POLA1: variants seen among roughly 807,000 people sequenced by gnomAD.
The protein encoded by POLA1 is DNA polymerase alpha 1, catalytic subunit, also known as DNA polymerase alpha catalytic subunit.
Under a neutral mutation model 124.0 loss-of-function variants are expected in POLA1, and 15 were observed. The ratio of observed to expected loss-of-function variants is 0.12; its 90% CI spans 0.08 to 0.19. The LOEUF is 0.19. Among genes scored for constraint, POLA1 ranks in the 10% least tolerant of loss-of-function variants. The pLI, the probability that POLA1 is intolerant of heterozygous loss-of-function variation, is 1.00. For synonymous variants in POLA1, 408 were observed against 389.4 expected (o/e 1.05, Z -0.56); for missense variants, 886 against 1,103.4 (o/e 0.80, Z 2.79).
intron 35 of POLA1, 51 bp from the exon 36 acceptor site, chrX:24,930,402 C>A: frequency 1.3e-6 from 1 of 799,746 alleles, no homozygotes; most frequent in Non-Finnish European, 1.9e-6. Context: ...TGATCCCCAT[C>A]GCTTCCCCCT....
chrX:24,814,402 T>C (rs1225495361), intron 29 of POLA1, among the ~76,000 whole-genome samples: 1 of 112,121 alleles, frequency 8.9e-6, no homozygotes, highest in Non-Finnish European at 1.9e-5. Flanking sequence ...TTGAATAACA[T>C]GAAGTTTTTA....
intron 18 of POLA1, 43 bp from the exon 19 acceptor site, chrX:24,737,582 G>A (rs759141061): frequency 6.2e-6 from 4 of 641,956 alleles, no homozygotes; most frequent in Non-Finnish European, 5.1e-6. Context: ...CCTCTAATTT[G>A]CATTTGTTAT....
chrX:24,992,665 A>C (rs976924392), intron 36 of POLA1, among the ~76,000 whole-genome samples: 3 of 112,652 alleles, frequency 2.7e-5, no homozygotes, highest in African/African-American at 9.7e-5. Context: ...TTTAAGTCCA[A>C]AAAGGGTTTT....
chrX:24,745,685 G>A, intron 24 of POLA1, 143 bp downstream of exon 24: 1 of 385,813 alleles, frequency 2.6e-6, no homozygotes, highest in Non-Finnish European at 4.4e-6. Flanking sequence ...TAGTTCAGTG[G>A]CTTTTAGTGT....
At chrX:24,968,702 C>CAA (rs1230409270) in intron 36 of POLA1, among the ~76,000 whole-genome samples, 34 of 33,919 alleles carry the variant, frequency 1.0e-3, no homozygotes, top group African/African-American at 2.0e-3. Context: ...GACTCCATCT[C>CAA]AAAAAAAAAA....
intron 32 of POLA1, among the ~76,000 whole-genome samples, chrX:24,829,515 G>A (rs1289596315): frequency 9.0e-6 from 1 of 111,676 alleles, no homozygotes; most frequent in African/African-American, 3.3e-5. Flanking sequence ...AGGAGTTTCA[G>A]CATTAATGAA....
intron 36 of POLA1, among the ~76,000 whole-genome samples, chrX:24,946,515 C>T (rs1274903231): frequency 8.9e-6 from 1 of 111,787 alleles, no homozygotes; most frequent in Admixed American, 9.5e-5. Context: ...AAATTAGACC[C>T]TTCTTCACCA....
chrX:24,951,271 A>T (rs1295451825), intron 36 of POLA1, among the ~76,000 whole-genome samples: 1 of 91,586 alleles, frequency 1.1e-5, no homozygotes, highest in South Asian at 7.3e-4. Flanking sequence ...GGTGATTAGG[A>T]GTAGGCTTAA....
At chrX:24,915,513 T>C (rs1251807493) in intron 35 of POLA1, among the ~76,000 whole-genome samples, 1 of 111,805 alleles carries the variant, frequency 8.9e-6, no homozygotes, top group African/African-American at 3.2e-5. Context: ...TTTATTTGTT[T>C]TATATATGAA....
chrX:24,869,969 T>G (rs1473402885), intron 34 of POLA1, among the ~76,000 whole-genome samples: 1 of 112,286 alleles, frequency 8.9e-6, no homozygotes, highest in African/African-American at 3.2e-5. Context: ...AGAAAGTGAT[T>G]CATACAAATA....
chrX:24,702,550 C>T (rs1382787178), intron 2 of POLA1, among the ~76,000 whole-genome samples: 3 of 111,785 alleles, frequency 2.7e-5, no homozygotes, highest in African/African-American at 9.8e-5. Flanking sequence ...GTGTTCTGAC[C>T]CTCTTGCAGT....
intron 26 of POLA1, among the ~76,000 whole-genome samples, chrX:24,770,111 A>G (rs2044997696): frequency 9.0e-6 from 1 of 111,701 alleles, no homozygotes; most frequent in African/African-American, 3.2e-5. Context: ...CTTTTTTGTT[A>G]TTGCACTTTA....
At chrX:24,880,284 T>C (rs942431499) in intron 34 of POLA1, among the ~76,000 whole-genome samples, 5 of 112,164 alleles carry the variant, frequency 4.5e-5, no homozygotes, top group Non-Finnish European at 9.4e-5. Context: ...AAATGACATA[T>C]GACTGTTCAT....
At chrX:24,775,225 G>A (rs1343396800) in intron 26 of POLA1, 1 of 111,347 alleles carries the variant, frequency 9.0e-6, no homozygotes, top group Non-Finnish European at 1.9e-5. Flanking sequence ...AATGGTTGAA[G>A]TGATAAACTC....
intron 34 of POLA1, among the ~76,000 whole-genome samples, chrX:24,877,864 C>T (rs2046954002): frequency 1.8e-5 from 2 of 109,840 alleles, no homozygotes; most frequent in Admixed American, 1.9e-4. Flanking sequence ...TCTTCTGAAT[C>T]TGGCAGAACA....
chrX:24,722,093 GA>G (rs1222006143), intron 10 of POLA1, among the ~76,000 whole-genome samples: 1 of 111,673 alleles, frequency 9.0e-6, no homozygotes, highest in Non-Finnish European at 1.9e-5. Context: ...CAGGATGTGT[GA>G]AAAAAGGAGT....
At chrX:24,847,973 C>T (rs1007968651) in intron 34 of POLA1, among the ~76,000 whole-genome samples, 2 of 111,825 alleles carry the variant, frequency 1.8e-5, no homozygotes, top group Non-Finnish European at 3.8e-5. Flanking sequence ...ACGGCACTGA[C>T]AACTCTGCAT....
intron 34 of POLA1, among the ~76,000 whole-genome samples, chrX:24,859,021 G>A (rs1303161116): frequency 1.8e-5 from 2 of 111,292 alleles, no homozygotes; most frequent in Non-Finnish European, 3.8e-5. Flanking sequence ...AGCCCAGGAT[G>A]ACCAAAGCCC....
chrX:24,798,824 G>GT (rs1326620327), intron 26 of POLA1, among the ~76,000 whole-genome samples: 3 of 111,142 alleles, frequency 2.7e-5, no homozygotes, highest in Admixed American at 9.5e-5. Context: ...GCCTGAACAT[G>GT]TGTCTACAAC....
Sources: gnomAD v4.1 joint callset for allele counts (sites outside exome capture counted in the v4.1 genomes callset) on GRCh38, gnomAD v4.1.1 for gene constraint, MANE v1.5 for transcripts, NCBI Gene and HGNC (gene_info 2026-07-23, HGNC 2026-07-21) for gene names.